Variants in ZMAT4 observed in about 807,000 individuals in gnomAD.
ZMAT4 encodes zinc finger matrin-type protein 4.
A neutral mutation model predicts 28.7 loss-of-function variants in ZMAT4; 17 were observed. The observed-to-expected ratio is 0.59, with a 90% confidence interval of 0.41 to 0.89. The LOEUF is 0.89. Ranked by LOEUF, ZMAT4 falls within the 40% of genes least tolerant of loss-of-function variation. The pLI is 0.00. For synonymous variants in ZMAT4, 117 were observed against 109.2 expected (o/e 1.07, Z -0.44); for missense variants, 240 against 283.8 (o/e 0.85, Z 1.11).
At chr8:40,874,016 G>A (rs968396800) in intron 1 of ZMAT4, among the ~76,000 whole-genome samples, 7 of 152,164 alleles carry the variant, frequency 4.6e-5, no homozygotes, top group Non-Finnish European at 1.0e-4. Flanking sequence ...GACTCTGTGG[G>A]ATTTGAGCTG....
At chr8:40,770,498 C>T (rs1299538448) in intron 2 of ZMAT4, among the ~76,000 whole-genome samples, 1 of 151,486 alleles carries the variant, frequency 6.6e-6, no homozygotes, top group Non-Finnish European at 1.5e-5. Flanking sequence ...TCCTCCCTCC[C>T]TCCTTCCCTC....
chr8:40,742,272 T>C (rs1428650137), intron 3 of ZMAT4, among the ~76,000 whole-genome samples: 1 of 151,408 alleles, frequency 6.6e-6, no homozygotes, highest in Non-Finnish European at 1.5e-5. Flanking sequence ...ATACAGAATA[T>C]TACTGATAAT....
chr8:40,868,700 CT>C (rs1280390368), intron 1 of ZMAT4, among the ~76,000 whole-genome samples: 2 of 152,226 alleles, frequency 1.3e-5, no homozygotes, highest in Admixed American at 1.3e-4. Context: ...CAAATCCCCC[CT>C]GTTCCTAAAG....
At chr8:40,668,468 C>CAAAAAAAAAAA (rs71224843) in intron 5 of ZMAT4, among the ~76,000 whole-genome samples, 14 of 84,998 alleles carry the variant, frequency 1.6e-4, no homozygotes, top group Non-Finnish European at 2.3e-4. Context: ...GACTTTGTCT[C>CAAAAAAAAAAA]AAAAAAAAAA....
In ZMAT4 at chr8:40,825,656, A is replaced by T. The variant is rs368549003; in HGVS notation, c.21T>A (p.Asp7Glu). ...AGTAACTGTCTGTGAATAAATCCTG[A>T]TCAATATCGGAGGACTTCATCAGGC... MKSSDI[D>E]QDLFTDSYCK... Residue 7 changes from aspartate to glutamate, a missense_variant, in exon 2 of 7, where the codon GAT becomes GAA. Asp to Glu is a conservative substitution (Grantham distance 45). Transcript: ENST00000297737. The T allele has an allele frequency of 1.0e-5, 16 of 1,554,676 alleles. No homozygotes were observed. Among genetic ancestry groups the T allele is most frequent in the Non-Finnish European group, 1.4e-5 (16 of 1,148,160 alleles).
chr8:40,647,298 C>G (rs924096641), intron 5 of ZMAT4, among the ~76,000 whole-genome samples: 18 of 152,168 alleles, frequency 1.2e-4, no homozygotes, highest in Admixed American at 2.0e-4. Flanking sequence ...CTTTCCGAGT[C>G]AAAGAAAGGG....
chr8:40,864,748 T>C (rs1322579966), intron 1 of ZMAT4, among the ~76,000 whole-genome samples: 3 of 152,212 alleles, frequency 2.0e-5, no homozygotes, highest in Admixed American at 2.0e-4. Flanking sequence ...AGCAAAAACA[T>C]AGAGAGAGCC....
At chr8:40,871,399 G>T (rs528821158) in intron 1 of ZMAT4, among the ~76,000 whole-genome samples, 1 of 152,104 alleles carries the variant, frequency 6.6e-6, no homozygotes, top group Non-Finnish European at 1.5e-5. Flanking sequence ...AAGTCCAAAG[G>T]GATGTGGAGA....
chr8:40,683,936 G>A (rs749142088), intron 4 of ZMAT4, among the ~76,000 whole-genome samples: 5 of 151,950 alleles, frequency 3.3e-5, no homozygotes, highest in South Asian at 2.1e-4. Flanking sequence ...ATGGTGGCAC[G>A]CGCCTGTAGT....
intron 5 of ZMAT4, among the ~76,000 whole-genome samples, chr8:40,673,868 T>C (rs1021069612): frequency 2.0e-5 from 3 of 152,078 alleles, no homozygotes; most frequent in African/African-American, 7.2e-5. Context: ...AAGAAAACCC[T>C]GTCTGGGGCA....
At chr8:40,565,781 G>T (rs1803903743) in intron 6 of ZMAT4, among the ~76,000 whole-genome samples, 3 of 144,852 alleles carry the variant, frequency 2.1e-5, no homozygotes, top group Admixed American at 1.4e-4. Flanking sequence ...TTTAATAAGA[G>T]CTCCTCAGAG....
chr8:40,573,996 A>G (rs564330308), intron 6 of ZMAT4, among the ~76,000 whole-genome samples: 1 of 152,334 alleles, frequency 6.6e-6, no homozygotes, highest in Admixed American at 6.5e-5. Context: ...AAAAATATAA[A>G]TCTGATACCT....
At chr8:40,604,544 C>A (rs1461631102) in intron 5 of ZMAT4, among the ~76,000 whole-genome samples, 1 of 152,200 alleles carries the variant, frequency 6.6e-6, no homozygotes, top group East Asian at 1.9e-4. Flanking sequence ...ATATGTCGAA[C>A]CATCCCTGCA....
At chr8:40,561,900 A>G (rs16889585) in intron 6 of ZMAT4, among the ~76,000 whole-genome samples, 1,610 of 152,250 alleles carry the variant, frequency 0.011, 31 homozygotes, top group African/African-American at 0.035. Flanking sequence ...GGTAAGGTCT[A>G]ATCCCTGTTA....
At chr8:40,688,384 A>G (rs1175690332) in intron 4 of ZMAT4, among the ~76,000 whole-genome samples, 1 of 152,138 alleles carries the variant, frequency 6.6e-6, no homozygotes, top group Non-Finnish European at 1.5e-5. Flanking sequence ...TGAACCCAGG[A>G]AGCAGAGGTT....
At chr8:40,795,433 T>C (rs887512424) in intron 2 of ZMAT4, among the ~76,000 whole-genome samples, 2 of 152,230 alleles carry the variant, frequency 1.3e-5, no homozygotes, top group Admixed American at 6.5e-5. Flanking sequence ...GACTGTTTTT[T>C]AGTGCAATTT....
At chr8:40,872,535 G>T (rs916112362) in intron 1 of ZMAT4, among the ~76,000 whole-genome samples, 2 of 152,172 alleles carry the variant, frequency 1.3e-5, no homozygotes, top group African/African-American at 4.8e-5. Context: ...TGTCCTCTCT[G>T]CCTTAGTGAG....
Position 40,616,433 on chromosome 8 carries a change from A to G in ZMAT4, c.578-35172T>C, listed in dbSNP as rs1475788461. ...ATCATGCTGCTATAAAGATACATGC[A>G]CATGTATGTTTATTGTGGCACTATT... On this transcript the variant is annotated intron_variant, in intron 5 of 6. Transcript: ENST00000297737. 1.6e-4 allele frequency among the ~76,000 whole-genome samples: 25 copies of G among 152,340 alleles called. No homozygotes were observed. The East Asian group carries it at 2.3e-3, about 14-fold the overall frequency.
chr8:40,587,016 G>A (rs1804691651), intron 5 of ZMAT4, among the ~76,000 whole-genome samples: 1 of 151,580 alleles, frequency 6.6e-6, no homozygotes, highest in Non-Finnish European at 1.5e-5. Flanking sequence ...GAGACGTGAA[G>A]AGGAGGGTAA....
Sources: gnomAD v4.1 joint callset for allele counts (sites outside exome capture counted in the v4.1 genomes callset) on GRCh38, gnomAD v4.1.1 for gene constraint, MANE v1.5 for transcripts, NCBI Gene and HGNC (gene_info 2026-07-23, HGNC 2026-07-21) for gene names.